The following EPHA6 variants were observed in gnomAD, a reference collection of about 807,000 sequenced individuals.
EPHA6 encodes EPH receptor A6, also known as ephrin type-A receptor 6.
A neutral mutation model predicts 112.0 loss-of-function variants in EPHA6; 50 were observed. The observed-to-expected ratio is 0.45, with a 90% CI of 0.36 to 0.56. EPHA6 has a LOEUF of 0.56. EPHA6 is among the 20% of genes least tolerant of loss of function. EPHA6 has a pLI of 0.00. For missense variants in EPHA6, 1,280 were observed against 1,417.4 expected (o/e 0.90, Z 1.56); for synonymous variants, 529 against 490.7 (o/e 1.08, Z -1.03).
intron 3 of EPHA6, among the ~76,000 whole-genome samples, chr3:97,200,865 C>T (rs1576670801): frequency 6.6e-6 from 1 of 152,084 alleles, no homozygotes; most frequent in African/African-American, 2.4e-5. Flanking sequence ...CTTTGATTGC[C>T]TGCTGGAGGC....
At chr3:97,066,485 A>G (rs1029202978) in intron 3 of EPHA6, among the ~76,000 whole-genome samples, 1 of 152,170 alleles carries the variant, frequency 6.6e-6, no homozygotes, top group African/African-American at 2.4e-5. Flanking sequence ...TTAAGGTTTT[A>G]GGAAAACTAG....
chr3:97,034,101 A>T (rs2108028275), intron 3 of EPHA6, among the ~76,000 whole-genome samples: 1 of 152,102 alleles, frequency 6.6e-6, no homozygotes, highest in Middle Eastern at 3.4e-3. Context: ...AATTGGGAAT[A>T]TAACTTTAGG....
chr3:97,563,237 G>A (rs2093216782), intron 11 of EPHA6, among the ~76,000 whole-genome samples: 1 of 152,156 alleles, frequency 6.6e-6, no homozygotes, highest in Non-Finnish European at 1.5e-5. Context: ...ACTATTTGAA[G>A]TCGGATGTGA....
chr3:97,195,157 CTTCT>C lies in EPHA6; in HGVS notation c.1115-31102_1115-31099del, dbSNP rs1210905255. On this transcript the variant is annotated intron_variant, in intron 3 of 17. Transcript: ENST00000389672. ...TTGTGGTCTTCTCTTTCTCCCTTTC[CTTCT>C]TTCTGTCTTCCTTTTTATAGAGATG... Among the ~76,000 whole-genome samples, 5 of 151,768 alleles carry C rather than the reference CTTCT, an allele frequency of 3.3e-5. No individual in the cohort carries two copies. The South Asian group carries it at 1.0e-3, about 32-fold the overall frequency.
intron 3 of EPHA6, among the ~76,000 whole-genome samples, chr3:97,109,213 C>T (rs1195456102): frequency 6.6e-6 from 1 of 152,148 alleles, no homozygotes; most frequent in Non-Finnish European, 1.5e-5. Flanking sequence ...TAATCACTTT[C>T]CTTTCAGTGA....
chr3:96,872,117 C>T (rs975485829), intron 2 of EPHA6, among the ~76,000 whole-genome samples: 8 of 152,100 alleles, frequency 5.3e-5, no homozygotes, highest in African/African-American at 1.9e-4. Flanking sequence ...TGCAAATGAA[C>T]AGCCTCCTGC....
chr3:96,969,081 A>C (rs1017476684), intron 2 of EPHA6, among the ~76,000 whole-genome samples: 1 of 151,918 alleles, frequency 6.6e-6, no homozygotes, highest in East Asian at 1.9e-4. Context: ...CAGCAGTTTA[A>C]AACAACTCTT....
intron 6 of EPHA6, among the ~76,000 whole-genome samples, chr3:97,423,433 T>C (rs1167692946): frequency 6.6e-6 from 1 of 152,090 alleles, no homozygotes; most frequent in Non-Finnish European, 1.5e-5. Flanking sequence ...TACCTAAGAA[T>C]ACATCTAGCC....
intron 3 of EPHA6, among the ~76,000 whole-genome samples, chr3:97,112,867 T>C (rs547341079): frequency 6.6e-6 from 1 of 152,272 alleles, no homozygotes; most frequent in South Asian, 2.1e-4. Flanking sequence ...CAGTAAGTGA[T>C]AGGATAGTCT....
rs1235097762 is a variant in EPHA6 at position 96,987,768 on chromosome 3, T to C, written c.889T>C (p.Phe297Leu). Residue 297 changes from phenylalanine to leucine, a missense_variant, in exon 3 of 18, where the codon TTC (phenylalanine) becomes CTC (leucine). Around this residue, in one of 4 missense-constraint regions of EPHA6, gnomAD observed 878 missense variants for 999.7 expected, o/e 0.88. Transcript: ENST00000389672. ...ACIALVSVRV[F>L]YKKCPFTVRN... The stretch of plus-strand genomic sequence containing the variant: ...CATTGCCCTGGTTTCAGTCCGTGTT[T>C]TCTACAAGAAATGCCCCTTCACTGT... 6.2e-7 allele frequency: 1 copy of C among 1,613,962 alleles called. No homozygotes were observed. The highest frequency in any genetic ancestry group is 2.2e-5 in the East Asian group (1 of 44,876).
At chr3:96,885,794 A>G (rs972860090) in intron 2 of EPHA6, among the ~76,000 whole-genome samples, 1 of 151,448 alleles carries the variant, frequency 6.6e-6, no homozygotes, top group Non-Finnish European at 1.5e-5. Flanking sequence ...TTGTTTCTCT[A>G]GTTCCTAGAG....
chr3:97,740,662 T>C (rs867878782), intron 16 of EPHA6, among the ~76,000 whole-genome samples: 1 of 152,140 alleles, frequency 6.6e-6, no homozygotes. Context: ...TAGAACCTCT[T>C]CTTTAAAAAA....
At chr3:96,940,526 C>T (rs183318374) in intron 2 of EPHA6, among the ~76,000 whole-genome samples, 8 of 152,244 alleles carry the variant, frequency 5.3e-5, no homozygotes, top group Admixed American at 2.6e-4. Flanking sequence ...GAATACAGCA[C>T]ACTGATGGGT....
At chr3:97,108,365 T>C (rs1269683967) in intron 3 of EPHA6, among the ~76,000 whole-genome samples, 1 of 152,210 alleles carries the variant, frequency 6.6e-6, no homozygotes, top group African/African-American at 2.4e-5. Flanking sequence ...TATTTGCAGA[T>C]TTCATTCATT....
intron 11 of EPHA6, among the ~76,000 whole-genome samples, chr3:97,576,222 G>C (rs1390297883): frequency 6.6e-6 from 1 of 152,098 alleles, no homozygotes; most frequent in Admixed American, 6.6e-5. Flanking sequence ...TGGCAAGTGA[G>C]TTCTATCTAA....
intron 12 of EPHA6, among the ~76,000 whole-genome samples, chr3:97,602,226 A>G (rs2093649097): frequency 6.6e-6 from 1 of 152,032 alleles, no homozygotes; most frequent in Non-Finnish European, 1.5e-5. Flanking sequence ...ATGGAACCTT[A>G]AGATTATTAA....
intron 2 of EPHA6, among the ~76,000 whole-genome samples, chr3:96,949,786 C>T (rs962066059): frequency 4.6e-5 from 7 of 152,112 alleles, no homozygotes; most frequent in African/African-American, 1.7e-4. Flanking sequence ...ACTGCTTAAA[C>T]TTACTCTCTC....
intron 2 of EPHA6, among the ~76,000 whole-genome samples, chr3:96,878,715 G>GCCGTCTTCCT (rs1212799166): frequency 1.3e-5 from 2 of 151,864 alleles, no homozygotes; most frequent in Non-Finnish European, 2.9e-5. Flanking sequence ...TTCCAACAAG[G>GCCGTCTTCCT]CCGTCTTCCT....
intron 6 of EPHA6, among the ~76,000 whole-genome samples, chr3:97,414,929 G>A (rs1356303646): frequency 6.6e-6 from 1 of 151,944 alleles, no homozygotes; most frequent in Non-Finnish European, 1.5e-5. Flanking sequence ...ATTATTTAGA[G>A]AGGACTTCTA....
Sources: allele counts gnomAD v4.1 joint callset (sites outside exome capture counted in the v4.1 genomes callset), GRCh38; gene constraint gnomAD v4.1.1; regional missense constraint gnomAD v4.1.1; transcripts MANE v1.5; gene names NCBI Gene and HGNC (gene_info 2026-07-23, HGNC 2026-07-21).